THUMPD3: variants seen among roughly 807,000 people sequenced by gnomAD.
The protein encoded by THUMPD3 is THUMP domain 3 tRNA guanosine methyltransferase.
THUMPD3 carries 44 observed loss-of-function variants against 54.5 expected under a neutral mutation model. The observed-to-expected ratio is 0.81, with a 90% CI of 0.63 to 1.04. The LOEUF is 1.04. Among genes scored for constraint, THUMPD3 ranks in the 50% least tolerant of loss-of-function variants. The pLI is 0.00. For missense variants in THUMPD3, 604 were observed against 601.3 expected, an observed-to-expected ratio of 1.00 and a Z score of -0.05; for synonymous variants, 196 against 201.4, an observed-to-expected ratio of 0.97 and a Z score of 0.23.
In THUMPD3 at chr3:9,365,063, G is replaced by T; in HGVS notation, c.-6G>T. Reference sequence around the variant, plus strand: ...CAGTGTTAGGGATCTTGGAAGCACAGCCAACATGTGTGACATTGAAGAAGC... The same window carrying T: ...CAGTGTTAGGGATCTTGGAAGCACATCCAACATGTGTGACATTGAAGAAGC... On this transcript the variant is annotated 5_prime_UTR_variant, in exon 2 of 10. Coordinates refer to ENST00000452837, the MANE Select transcript of THUMPD3 (RefSeq NM_001114092.2). 1 of 1,612,896 alleles carries T rather than the reference G, an allele frequency of 6.2e-7. No homozygotes were observed. The highest frequency in any genetic ancestry group is 8.5e-7 in the Non-Finnish European group (1 of 1,179,080).
At chr3:9,383,097 C>T in intron 7 of THUMPD3, 102 bp from the exon 8 acceptor site, 1 of 708,546 alleles carries the variant, frequency 1.4e-6, no homozygotes, top group South Asian at 1.6e-5. Context: ...ATATCCTTAG[C>T]AGTTTATGTT....
chr3:9,366,839 A>G (rs1382420768), intron 2 of THUMPD3, 69 bp from the exon 3 acceptor site: 1 of 1,256,550 alleles, frequency 8.0e-7, no homozygotes, highest in Admixed American at 2.3e-5. Flanking sequence ...TTTTTTAAAT[A>G]CTTAATTGTT....
At chr3:9,369,504 A>G (rs1015076596) in intron 3 of THUMPD3, among the ~76,000 whole-genome samples, 2 of 152,148 alleles carry the variant, frequency 1.3e-5, no homozygotes, top group Admixed American at 6.6e-5. Flanking sequence ...AGGTGTCACT[A>G]TCTCAGCTAC....
At chr3:9,382,567 G>A (rs2033009748) in intron 7 of THUMPD3, among the ~76,000 whole-genome samples, 1 of 152,018 alleles carries the variant, frequency 6.6e-6, no homozygotes, top group Non-Finnish European at 1.5e-5. Context: ...TTATTCTTCA[G>A]ATACATCACC....
intron 5 of THUMPD3, 81 bp downstream of exon 5, chr3:9,374,727 G>T: frequency 1.3e-6 from 2 of 1,497,864 alleles, no homozygotes; most frequent in African/African-American, 1.4e-5. Context: ...TTGTGTGTAT[G>T]TGTGTTTGAG....
At chr3:9,382,078 C>G (rs1437338644) in intron 7 of THUMPD3, among the ~76,000 whole-genome samples, 1 of 151,922 alleles carries the variant, frequency 6.6e-6, no homozygotes, top group African/African-American at 2.4e-5. Context: ...CCACTGTGCC[C>G]GGCCTCAACC....
intron 5 of THUMPD3, 115 bp from the exon 6 acceptor site, chr3:9,377,704 T>A: frequency 2.9e-6 from 2 of 701,418 alleles, no homozygotes; most frequent in Admixed American, 5.1e-5. Flanking sequence ...ATGTGTAGAT[T>A]GGTGTTCCTT....
intron 4 of THUMPD3, among the ~76,000 whole-genome samples, chr3:9,372,951 C>T (rs1295729688): frequency 6.6e-6 from 1 of 151,978 alleles, no homozygotes; most frequent in Non-Finnish European, 1.5e-5. Flanking sequence ...TTTTTTTCCT[C>T]ATACACTGCC....
rs2033350417 is a variant in THUMPD3 at position 9,386,632 on chromosome 3, G to A, written c.*1944G>A. 6.6e-6 allele frequency: 1 copy of A among 152,010 alleles called. No homozygotes were observed. The highest frequency in any genetic ancestry group is 2.1e-4 in the South Asian group (1 of 4,822). 9.4% of individuals were successfully genotyped at this position (152,010 alleles called of 1,614,324 possible). A position where few individuals can be genotyped will look rare whatever the true frequency, so the allele number is the denominator to read the frequency against. On this transcript the variant is annotated 3_prime_UTR_variant, in exon 10 of 10. Transcript: ENST00000452837. ...TTTTTCAATCTGGTGACTAGAATAG[G>A]CAGTGGGCTATAAGCAGGATTCATA...
At chr3:9,375,660 A>C (rs559441752) in intron 5 of THUMPD3, among the ~76,000 whole-genome samples, 1 of 152,376 alleles carries the variant, frequency 6.6e-6, no homozygotes, top group South Asian at 2.1e-4. Flanking sequence ...ACAGGGATAC[A>C]TTCTGAAAAA....
rs370358040 is a variant in THUMPD3, at chr3:9,374,582, C to T, written c.874C>T (p.Arg292Ter). ...TGCATTGACTGAAGAGAGTCTCCAC[C>T]GAAGAAATATAACACATTTTGGACC... ...GIALTEESLH[R>*]RNITHFGPTT... is the part of the protein sequence containing the mutation. The change falls in exon 5 of 10, where the codon CGA (arginine) becomes TGA (stop). Residue 292 changes from arginine (R) to a stop codon, truncating the protein, a stop_gained. Coordinates refer to ENST00000452837, the MANE Select transcript of THUMPD3 (RefSeq NM_001114092.2). LOFTEE classifies it high-confidence loss of function. 2.1e-5 allele frequency: 34 copies of T among 1,613,870 alleles called. No individual in the cohort carries two copies. Among genetic ancestry groups the T allele is most frequent in the South Asian group, 3.3e-5 (3 of 91,080 alleles).
At chr3:9,375,484 T>C (rs2032393908) in intron 5 of THUMPD3, among the ~76,000 whole-genome samples, 1 of 152,228 alleles carries the variant, frequency 6.6e-6, no homozygotes, top group African/African-American at 2.4e-5. Flanking sequence ...CACTTGAAAA[T>C]GTTTATTTTC....
At chr3:9,378,605 G>A (rs1318057459) in intron 6 of THUMPD3, among the ~76,000 whole-genome samples, 1 of 152,218 alleles carries the variant, frequency 6.6e-6, no homozygotes, top group Admixed American at 6.5e-5. Flanking sequence ...ACTGCAGGGA[G>A]ACACAGCAGA....
intron 4 of THUMPD3, among the ~76,000 whole-genome samples, chr3:9,372,580 CAA>C (rs35718688): frequency 1.5e-5 from 2 of 137,246 alleles, no homozygotes; most frequent in African/African-American, 2.7e-5. Context: ...ACTCCATCTC[CAA>C]AAAAAAAAAA....
intron 1 of THUMPD3, chr3:9,363,920 C>G (rs921605454): frequency 2.0e-5 from 3 of 151,376 alleles, no homozygotes; most frequent in Non-Finnish European, 4.4e-5. Flanking sequence ...ACCACCACGC[C>G]CAGCTATTTT....
At chr3:9,374,461 T>G (rs1282770632) in intron 4 of THUMPD3, 55 bp from the exon 5 acceptor site, 5 of 1,596,272 alleles carry the variant, frequency 3.1e-6, no homozygotes, top group Non-Finnish European at 4.3e-6. Context: ...GTCTTATTAC[T>G]AAGCGCAGTT....
chr3:9,380,752 A>G (rs1373414652), intron 7 of THUMPD3, 134 bp downstream of exon 7: 3 of 483,178 alleles, frequency 6.2e-6, no homozygotes, highest in Admixed American at 3.9e-5. Flanking sequence ...GACTCCATTT[A>G]CATTTTTAAA....
Position 9,384,298 on chromosome 3 carries a change from C to G in THUMPD3, c.1322C>G (p.Ala441Gly), listed in dbSNP as rs768084191. 29 of 1,614,064 alleles carry G rather than the reference C, an allele frequency of 1.8e-5. No homozygotes were observed. The East Asian group carries it at 4.5e-4, about 25-fold the overall frequency. The change falls in exon 9 of 10, where the codon GCT becomes GGT. Residue 441 changes from alanine to glycine, a missense_variant. Physicochemically the swap from Ala to Gly is moderately conservative, Grantham distance 60. Coordinates refer to ENST00000452837, the MANE Select transcript of THUMPD3 (RefSeq NM_001114092.2). ...GTCTGCACACCTACCACAGGCCGAG[C>G]TGTACTACTTACTCAAGACACAAAA... Reference protein sequence around the residue: ...SRVCTPTTGRAVLLTQDTKCF... With the variant: ...SRVCTPTTGRGVLLTQDTKCF...
In THUMPD3 at chr3:9,383,236, T is replaced by G; in HGVS notation, c.1162T>G (p.Trp388Gly). The G allele has an allele frequency of 6.2e-7, 1 of 1,614,094 alleles. No individual in the cohort carries two copies. Among genetic ancestry groups the G allele is most frequent in the Middle Eastern group, 1.7e-4 (1 of 6,060 alleles). ...SWGLPIDAVQWDICNLPLRTG... is the reference protein window; with the variant it reads ...SWGLPIDAVQGDICNLPLRTG... ...GGGCTTGCCCATAGATGCTGTTCAG[T>G]GGGATATCTGCAATCTGCCATTGAG... The change falls in exon 8 of 10, where the codon TGG becomes GGG. Residue 388 changes from tryptophan (W) to glycine (G), a missense_variant. By Grantham distance (184) the Trp-to-Gly change is radical. Transcript: ENST00000452837.
Sources: gnomAD v4.1 joint callset for allele counts (sites outside exome capture counted in the v4.1 genomes callset) on GRCh38, gnomAD v4.1.1 for gene constraint, MANE v1.5 for transcripts, NCBI Gene and HGNC (gene_info 2026-07-23, HGNC 2026-07-21) for gene names.